Variants in SLC6A4 observed in about 807,000 individuals in gnomAD.
SLC6A4 encodes sodium-dependent serotonin transporter.
In SLC6A4, 22 loss-of-function variants were observed where a neutral mutation model predicts 73.4. That is an observed-to-expected ratio of 0.30 (90% CI 0.21 to 0.43). The LOEUF (loss-of-function observed/expected upper bound fraction) is 0.43. SLC6A4 is among the 20% of genes least tolerant of loss of function. SLC6A4 has a pLI of 1.00. For synonymous variants in SLC6A4, 270 were observed against 315.5 expected (o/e 0.86, Z 1.53); for missense variants, 593 against 808.5 (o/e 0.73, Z 3.23).
In SLC6A4 at chr17:30,222,913, G is replaced by T. The variant is rs1906814777; in HGVS notation, c.-218C>A. On this transcript the variant is annotated splice_region_variant and 5_prime_UTR_variant, in exon 2 of 15. Coordinates refer to ENST00000650711, the MANE Select transcript of SLC6A4 (RefSeq NM_001045.6). ...AAGCAAGGTCGCCTTGCCTCCAGGA[G>T]ACCTAGGGAGAAGAGTGTGCAGGTT... The T allele has an allele frequency of 9.3e-7, 1 of 1,079,612 alleles. No individual in the cohort carries two copies. The highest frequency in any genetic ancestry group is 1.3e-6 in the Non-Finnish European group (1 of 785,638). 66.9% of individuals were successfully genotyped at this position (1,079,612 alleles called of 1,614,324 possible).
chr17:30,203,024 G>C (rs556382038), intron 14 of SLC6A4, 148 bp downstream of exon 14: 45 of 597,880 alleles, frequency 7.5e-5, no homozygotes, highest in African/African-American at 7.0e-4. Context: ...GCCATTAGAG[G>C]TCTTCGCCAT....
Position 30,209,262 on chromosome 17 carries a change from C to G in SLC6A4, c.1450-20G>C. On this transcript the variant is annotated intron_variant, in intron 11 of 14. Coordinates refer to ENST00000650711, the MANE Select transcript of SLC6A4 (RefSeq NM_001045.6). ...CCCTCCCTGGAGGGGAGAGCAGAGCCTGGGTGAGGGCCCTCCAAGGAGCCA... is the reference window on the plus strand; with the variant it reads ...CCCTCCCTGGAGGGGAGAGCAGAGCGTGGGTGAGGGCCCTCCAAGGAGCCA... 1 of 1,519,452 alleles carries G rather than the reference C, an allele frequency of 6.6e-7. No homozygotes were observed. Among genetic ancestry groups the G allele is most frequent in the South Asian group, 1.1e-5 (1 of 89,176 alleles). 94.1% of individuals were successfully genotyped at this position (1,519,452 alleles called of 1,614,324 possible).
intron 1 of SLC6A4, among the ~76,000 whole-genome samples, chr17:30,230,138 G>T (rs1284897424): frequency 2.7e-5 from 4 of 150,700 alleles, no homozygotes; most frequent in Non-Finnish European, 4.4e-5. Context: ...GGAGGAGGAG[G>T]AGGAGGAGGA....
intron 14 of SLC6A4, among the ~76,000 whole-genome samples, chr17:30,200,421 T>C (rs1905996183): frequency 6.6e-6 from 1 of 152,266 alleles, no homozygotes; most frequent in African/African-American, 2.4e-5. Flanking sequence ...CCAGTATCTT[T>C]GGGTGGATTA....
At chr17:30,231,581 T>C (rs767820200) in intron 1 of SLC6A4, among the ~76,000 whole-genome samples, 1 of 152,046 alleles carries the variant, frequency 6.6e-6, no homozygotes, top group Non-Finnish European at 1.5e-5. Context: ...ATATATATAC[T>C]GCATATGCAA....
At position 30,218,263 on chromosome 17, in the gene SLC6A4, A is replaced by G. The variant is rs1283036110; in HGVS notation, c.553T>C (p.Tyr185His). Residue 185 changes from tyrosine (Y) to histidine (H), a missense_variant, in exon 5 of 15, where the codon TAC becomes CAC. Transcript: ENST00000650711. Reference protein sequence around the residue: ...YYNTIMAWALYYLISSFTDQL... With the variant: ...YYNTIMAWALHYLISSFTDQL... The stretch of plus-strand genomic sequence containing the variant: ...TCCGTGAAGGAGGAGATGAGGTAGT[A>G]TAGCGCCCAGGCCATGATGGTGTTG... 1.2e-6 allele frequency: 2 copies of G among 1,614,250 alleles called. No individual in the cohort carries two copies. The highest frequency in any genetic ancestry group is 1.3e-5 in the African/African-American group (1 of 75,062).
rs55853824 is a variant in SLC6A4, at chr17:30,210,671, C to T, written c.1318-25G>A. The T allele has an allele frequency of 1.3e-3, 2,144 of 1,599,960 alleles. 30 individuals are homozygous for T. In the African/African-American group the frequency reaches 0.025, roughly 18 times the overall value. ...ACTGAGAGGTACAGGCAAGCAGTCA[C>T]GGTGGAGGCTTTGGGACAAGGCTGT... On this transcript the variant is annotated intron_variant, in intron 10 of 14. Coordinates refer to ENST00000650711, the MANE Select transcript of SLC6A4 (RefSeq NM_001045.6).
At chr17:30,209,031 G>A in intron 12 of SLC6A4, 112 bp downstream of exon 12, 2 of 701,146 alleles carry the variant, frequency 2.9e-6, no homozygotes, top group Non-Finnish European at 5.0e-6. Context: ...ATCATCGGGA[G>A]GTCACATCTT....
intron 13 of SLC6A4, among the ~76,000 whole-genome samples, chr17:30,207,345 C>T (rs56282025): frequency 0.03 from 4,542 of 152,206 alleles, 238 homozygotes; most frequent in African/African-American, 0.1. Flanking sequence ...TGTACACTTA[C>T]GAGCTGTATA....
intron 1 of SLC6A4, among the ~76,000 whole-genome samples, chr17:30,234,506 G>C (rs1907212428): frequency 6.6e-6 from 1 of 152,128 alleles, no homozygotes; most frequent in Admixed American, 6.6e-5. Context: ...GGCCTCAGTG[G>C]CTTCACACAG....
At chr17:30,234,544 G>A (rs922263276) in intron 1 of SLC6A4, among the ~76,000 whole-genome samples, 1 of 152,146 alleles carries the variant, frequency 6.6e-6, no homozygotes, top group African/African-American at 2.4e-5. Context: ...AAGAGTCAAA[G>A]CTGTGTGCTC....
chr17:30,207,529 A>C (rs1304355317), intron 13 of SLC6A4, among the ~76,000 whole-genome samples: 2 of 152,094 alleles, frequency 1.3e-5, no homozygotes, highest in African/African-American at 4.8e-5. Flanking sequence ...CTGGGATTAC[A>C]GGTGCCCATC....
chr17:30,230,195 T>C (rs1393112058), intron 1 of SLC6A4, among the ~76,000 whole-genome samples: 1 of 152,076 alleles, frequency 6.6e-6, no homozygotes, highest in East Asian at 1.9e-4. Context: ...GAATTGCTTG[T>C]GACACATAAT....
intron 8 of SLC6A4, among the ~76,000 whole-genome samples, chr17:30,213,128 C>T (rs1027202150): frequency 7.2e-5 from 11 of 152,118 alleles, no homozygotes; most frequent in Non-Finnish European, 1.2e-4. Flanking sequence ...AAAAGGCAAT[C>T]CTGCTAGCAC....
chr17:30,230,092 AGAAGAGGAGGAAGAG>A (rs1223114011), intron 1 of SLC6A4, among the ~76,000 whole-genome samples: 8 of 132,038 alleles, frequency 6.1e-5, no homozygotes, highest in African/African-American at 1.0e-4. Context: ...AAGAAGAAGA[AGAAGAGGAGGAAGAG>A]GAAGAGGAAG....
chr17:30,223,308 G>T (rs910327906), intron 1 of SLC6A4, among the ~76,000 whole-genome samples: 2 of 152,192 alleles, frequency 1.3e-5, no homozygotes, highest in Non-Finnish European at 2.9e-5. Context: ...TAACTGCAAT[G>T]ATCTGAGGCT....
chr17:30,214,867 T>C (rs1465675925), intron 8 of SLC6A4, among the ~76,000 whole-genome samples: 1 of 151,946 alleles, frequency 6.6e-6, no homozygotes, highest in African/African-American at 2.4e-5. Context: ...TCTCCTGACC[T>C]CGTGATCCAC....
chr17:30,197,473 G>T lies in SLC6A4; in HGVS notation c.*983C>A, dbSNP rs1905900886. On this transcript the variant is annotated 3_prime_UTR_variant, in exon 15 of 15. Transcript: ENST00000650711. ...CAAACTCAGTCACGTAAGGCAGACA[G>T]AACTTAAACCAGAGGGCCAGGTGAA... 6.6e-6 allele frequency: 1 copy of T among 152,424 alleles called. No homozygotes were observed. Among genetic ancestry groups the T allele is most frequent in the Non-Finnish European group, 1.5e-5 (1 of 68,112 alleles). The allele number at this position is 152,424 out of a possible 1,614,324, so 9.4% of individuals were successfully genotyped here.
chr17:30,212,851 T>C lies in SLC6A4; in HGVS notation c.1093A>G (p.Ser365Gly). The change falls in exon 9 of 15, where the codon AGC becomes GGC. Residue 365 changes from serine to glycine, a missense_variant. Transcript: ENST00000650711. ...NNCYQDALVTSVVNCMTSFVS... is the reference protein window; with the variant it reads ...NNCYQDALVTGVVNCMTSFVS... ...AAGCTCGTCATGCAGTTCACCACGC[T>C]GGTCACCAGGGCATCTCTGGAGGGG... 1 of 1,614,112 alleles carries C rather than the reference T, an allele frequency of 6.2e-7. No homozygotes were observed. Among genetic ancestry groups the C allele is most frequent in the South Asian group, 1.1e-5 (1 of 91,088 alleles).
Sources: gnomAD v4.1 joint callset for allele counts (sites outside exome capture counted in the v4.1 genomes callset) on GRCh38, gnomAD v4.1.1 for gene constraint, MANE v1.5 for transcripts, NCBI Gene and HGNC (gene_info 2026-07-23, HGNC 2026-07-21) for gene names.